The following MYO5A variants were observed in gnomAD, a reference collection of about 807,000 sequenced individuals.
The protein encoded by MYO5A is myosin VA.
In MYO5A, 98 loss-of-function variants were observed where a neutral mutation model predicts 249.7. That is an observed-to-expected ratio of 0.39 (90% CI 0.33 to 0.46). MYO5A has a LOEUF of 0.46. Among genes scored for constraint, MYO5A ranks in the 20% least tolerant of loss-of-function variants. MYO5A has a pLI of 0.98. For synonymous variants in MYO5A, 778 were observed against 810.6 expected, an observed-to-expected ratio of 0.96 and a Z score of 0.68; for missense variants, 1,696 against 2,308.8, an observed-to-expected ratio of 0.73 and a Z score of 5.44.
At position 52,307,296 on chromosome 15, in the gene MYO5A, CTTTA is replaced by C. The variant is rs1429011980; in HGVS notation, c.*6396_*6399del. The C allele has an allele frequency of 1.3e-5, 2 of 152,132 alleles. No homozygotes were observed. The highest frequency in any genetic ancestry group is 2.9e-5 in the Non-Finnish European group (2 of 68,004). 9.4% of individuals were successfully genotyped at this position (152,132 alleles called of 1,614,324 possible). A position where few individuals can be genotyped will look rare whatever the true frequency, so the allele number is the denominator to read the frequency against. ...TGACAAAAACTCTTTATATCCATAT[CTTTA>C]TTTAAACAAGTTTCCATAATAGCTA... On this transcript the variant is annotated 3_prime_UTR_variant, in exon 42 of 42. Coordinates refer to ENST00000399233, the MANE Select transcript of MYO5A (RefSeq NM_001382347.1).
intron 1 of MYO5A, among the ~76,000 whole-genome samples, chr15:52,435,008 T>C (rs2075630753): frequency 6.6e-6 from 1 of 152,228 alleles, no homozygotes; most frequent in African/African-American, 2.4e-5. Flanking sequence ...GTATGTTAAA[T>C]ATGGGGCAAC....
intron 1 of MYO5A, among the ~76,000 whole-genome samples, chr15:52,441,528 G>C: frequency 6.6e-6 from 1 of 152,130 alleles, no homozygotes; most frequent in East Asian, 1.9e-4. Context: ...AGAAAACTAT[G>C]GGTTTGCTAT....
intron 34 of MYO5A, chr15:52,331,756 C>T: frequency 2.0e-6 from 2 of 985,442 alleles, no homozygotes; most frequent in Non-Finnish European, 2.4e-6. Flanking sequence ...CCACCTCATG[C>T]TGCAGCAGCA....
intron 6 of MYO5A, among the ~76,000 whole-genome samples, chr15:52,408,646 T>C (rs976136051): frequency 1.3e-5 from 2 of 152,180 alleles, no homozygotes; most frequent in Non-Finnish European, 2.9e-5. Context: ...CAATAACTGT[T>C]TTATAAAATA....
chr15:52,428,645 T>C (rs2075449857), intron 2 of MYO5A, 76 bp from the exon 3 acceptor site: 1 of 1,459,576 alleles, frequency 6.9e-7, no homozygotes, highest in African/African-American at 1.4e-5. Context: ...TTTTGCTTAC[T>C]TCCTATTCCT....
chr15:52,493,937 T>C (rs1224061629), intron 1 of MYO5A, among the ~76,000 whole-genome samples: 2 of 152,170 alleles, frequency 1.3e-5, no homozygotes, highest in Non-Finnish European at 2.9e-5. Flanking sequence ...AAACCATATT[T>C]TAGCTTGTAT....
intron 25 of MYO5A, among the ~76,000 whole-genome samples, chr15:52,356,242 A>G (rs1454352069): frequency 6.6e-6 from 1 of 152,178 alleles, no homozygotes; most frequent in East Asian, 1.9e-4. Context: ...AATCTACCCA[A>G]TTGTTTAAAA....
At chr15:52,326,463 T>G (rs1193423280) in intron 36 of MYO5A, among the ~76,000 whole-genome samples, 1 of 152,224 alleles carries the variant, frequency 6.6e-6, no homozygotes, top group Non-Finnish European at 1.5e-5. Flanking sequence ...TAGTAACCAC[T>G]GTAGAATGTT....
intron 1 of MYO5A, among the ~76,000 whole-genome samples, chr15:52,460,474 G>A (rs867661079): frequency 6.6e-6 from 1 of 152,198 alleles, no homozygotes; most frequent in Non-Finnish European, 1.5e-5. Flanking sequence ...GCCAAACCCC[G>A]TCTCCACCAA....
chr15:52,340,070 A>AAGAGGGGTAACAAGTAC (rs1272885065), intron 32 of MYO5A, 126 bp downstream of exon 32: 1 of 935,106 alleles, frequency 1.1e-6, no homozygotes, highest in African/African-American at 1.6e-5. Context: ...CTGCTGGAGT[A>AAGAGGGGTAACAAGTAC]AGAGGGGTAA....
At chr15:52,503,318 G>C (rs1157819781) in intron 1 of MYO5A, among the ~76,000 whole-genome samples, 1 of 152,072 alleles carries the variant, frequency 6.6e-6, no homozygotes, top group Non-Finnish European at 1.5e-5. Context: ...CATCTATTAT[G>C]TATCAATAAA....
intron 1 of MYO5A, among the ~76,000 whole-genome samples, chr15:52,474,186 CTGTT>C (rs1468298542): frequency 2.6e-5 from 4 of 152,170 alleles, no homozygotes; most frequent in African/African-American, 9.7e-5. Context: ...ATTTGGCTCT[CTGTT>C]TGTCTGTTAT....
At chr15:52,398,872 C>T (rs2042606482) in intron 9 of MYO5A, among the ~76,000 whole-genome samples, 1 of 152,028 alleles carries the variant, frequency 6.6e-6, no homozygotes, top group African/African-American at 2.4e-5. Context: ...ACCTGTAATC[C>T]CAGCTACTGG....
chr15:52,486,867 C>T (rs1018252028), intron 1 of MYO5A, among the ~76,000 whole-genome samples: 9 of 152,052 alleles, frequency 5.9e-5, no homozygotes, highest in South Asian at 2.1e-4. Flanking sequence ...AAGATTCCCA[C>T]GAGGACACAC....
At chr15:52,384,109 T>G in intron 15 of MYO5A, 52 bp downstream of exon 15, 1 of 1,610,606 alleles carries the variant, frequency 6.2e-7, no homozygotes, top group Non-Finnish European at 8.5e-7. Context: ...ATCTGAGGTT[T>G]CAGATGAGCC....
intron 4 of MYO5A, among the ~76,000 whole-genome samples, chr15:52,420,505 T>C (rs1299372327): frequency 1.3e-5 from 2 of 151,938 alleles, no homozygotes; most frequent in Non-Finnish European, 2.9e-5. Flanking sequence ...AAGAAGACCC[T>C]CAACTAGATG....
intron 1 of MYO5A, among the ~76,000 whole-genome samples, chr15:52,456,101 C>T (rs8041275): frequency 0.2 from 29,755 of 151,836 alleles, 3,753 homozygotes; most frequent in East Asian, 0.59. Flanking sequence ...AACTGATAAA[C>T]GAATCTAGTA....
chr15:52,459,276 G>C (rs2076187494), intron 1 of MYO5A, among the ~76,000 whole-genome samples: 1 of 149,784 alleles, frequency 6.7e-6, no homozygotes, highest in Non-Finnish European at 1.5e-5. Flanking sequence ...TGTGAACAAA[G>C]GTCTCTGGTT....
intron 1 of MYO5A, among the ~76,000 whole-genome samples, chr15:52,496,023 T>C (rs534567151): frequency 2.0e-5 from 3 of 151,714 alleles, no homozygotes; most frequent in South Asian, 2.1e-4. Flanking sequence ...ATGGCACATG[T>C]GTAACAAACC....
Sources: allele counts gnomAD v4.1 joint callset (sites outside exome capture counted in the v4.1 genomes callset), GRCh38; gene constraint gnomAD v4.1.1; transcripts MANE v1.5; gene names NCBI Gene and HGNC (gene_info 2026-07-23, HGNC 2026-07-21).